RMDN1: variants seen among roughly 807,000 people sequenced by gnomAD.
RMDN1 encodes regulator of microtubule dynamics protein 1.
RMDN1 carries 48 observed loss-of-function variants against 48.9 expected under a neutral mutation model. The observed-to-expected ratio is 0.98, with a 90% confidence interval of 0.78 to 1.25. The LOEUF is 1.25. Among genes scored for constraint, RMDN1 ranks in the 50% most tolerant of loss-of-function variants. The pLI, the probability that RMDN1 is intolerant of heterozygous loss-of-function variation, is 0.00. For missense variants in RMDN1, 418 were observed against 373.4 expected (o/e 1.12, Z -0.98); for synonymous variants, 148 against 132.6 (o/e 1.12, Z -0.80).
At chr8:86,514,307 A>G in exon 1 of RMDN1, 12 of 980,970 alleles carry the variant, frequency 1.2e-5, no homozygotes, top group Non-Finnish European at 1.2e-5. Flanking sequence ...GCGCCAGCCT[A>G]CTGGCAAGGA....
At chr8:86,493,595 C>T (rs1482231232) in intron 2 of RMDN1, among the ~76,000 whole-genome samples, 3 of 152,068 alleles carry the variant, frequency 2.0e-5, no homozygotes, top group African/African-American at 7.2e-5. Flanking sequence ...AAGCCAGGTA[C>T]AGAAAGACAA....
chr8:86,513,057 T>C (rs78577023), upstream of RMDN1, among the ~76,000 whole-genome samples: 3 of 142,084 alleles, frequency 2.1e-5, no homozygotes, highest in Non-Finnish European at 4.7e-5. Context: ...CTATTGGGTG[T>C]TTTTTTTTTT....
At chr8:86,480,620 T>C (rs1179244713) in intron 5 of RMDN1, among the ~76,000 whole-genome samples, 1 of 152,116 alleles carries the variant, frequency 6.6e-6, no homozygotes, top group Non-Finnish European at 1.5e-5. Context: ...TTTTGCAAAT[T>C]AATCTTGCAA....
chr8:86,489,102 C>T (rs567810334), intron 2 of RMDN1, among the ~76,000 whole-genome samples: 1 of 152,322 alleles, frequency 6.6e-6, no homozygotes, highest in South Asian at 2.1e-4. Context: ...AACTACCAAC[C>T]ATTGTAGAAA....
chr8:86,504,054 G>C, intron 2 of RMDN1: 3 of 841,074 alleles, frequency 3.6e-6, no homozygotes, highest in Non-Finnish European at 6.3e-6. Context: ...CTCTCAACCA[G>C]CTGGGCATCA....
At chr8:86,479,140 T>G (rs1375748404) in intron 6 of RMDN1, 130 bp from the exon 7 acceptor site, 3 of 639,356 alleles carry the variant, frequency 4.7e-6, no homozygotes, top group Non-Finnish European at 8.2e-6. Context: ...TTACATGATA[T>G]CTACTAGGTA....
intron 2 of RMDN1, among the ~76,000 whole-genome samples, chr8:86,497,700 C>CAA (rs1213399491): frequency 4.8e-4 from 33 of 68,268 alleles, no homozygotes; most frequent in Admixed American, 9.7e-4. Context: ...GACACTATCT[C>CAA]AAAAAAAAAA....
At chr8:86,496,399 G>C (rs955664569) in intron 2 of RMDN1, among the ~76,000 whole-genome samples, 3 of 152,142 alleles carry the variant, frequency 2.0e-5, no homozygotes, top group African/African-American at 7.2e-5. Context: ...GTCTTCAGGA[G>C]ACTCATCTCA....
chr8:86,508,616 G>T lies in RMDN1; in HGVS notation c.5C>A (p.Ala2Glu). 1 of 1,600,328 alleles carries T rather than the reference G, an allele frequency of 6.2e-7. No individual in the cohort carries two copies. The highest frequency in any genetic ancestry group is 1.3e-5 in the African/African-American group (1 of 74,706). Residue 2 changes from alanine (A) to glutamate (E), a missense_variant, in exon 1 of 10, where the codon GCG becomes GAG. Ala to Glu is a moderately radical substitution (Grantham distance 107, BLOSUM62 -1). Coordinates refer to ENST00000406452, the MANE Select transcript of RMDN1 (RefSeq NM_016033.3). MALAARLWRLLP... is the reference protein window; with the variant it reads MELAARLWRLLP... ...AAGGCGCCACAGTCGAGCAGCCAGC[G>T]CCATGACCTGCAACTTGCGGGCTGA...
At position 86,473,008 on chromosome 8, in the gene RMDN1, C is replaced by G. The variant is rs191246122; in HGVS notation, c.*1300G>C. ...TCCAAGATATCTTATTGTGTGTATG[C>G]AGGTATTCCAAAATTTGGAAAAACA... On this transcript the variant is annotated 3_prime_UTR_variant, in exon 10 of 10. Coordinates refer to ENST00000406452, the MANE Select transcript of RMDN1 (RefSeq NM_016033.3). 114 of 463,068 alleles carry G rather than the reference C, an allele frequency of 2.5e-4. 3 individuals carry two copies. In the Admixed American group the frequency reaches 5.0e-3, roughly 20 times the overall value. 28.7% of individuals were successfully genotyped at this position (463,068 alleles called of 1,614,324 possible).
downstream of RMDN1, chr8:86,468,610 A>G: frequency 2.2e-6 from 1 of 448,286 alleles, no homozygotes; most frequent in Non-Finnish European, 4.5e-6. Flanking sequence ...ATGATTTAGC[A>G]GATTTGACTG....
In RMDN1 at chr8:86,474,330, G is replaced by C; in HGVS notation, c.923C>G (p.Thr308Arg). 1.2e-6 allele frequency: 2 copies of C among 1,613,500 alleles called. No individual in the cohort carries two copies. Among genetic ancestry groups the C allele is most frequent in the Non-Finnish European group, 8.5e-7 (1 of 1,179,624 alleles). ...TTCTCAATTCTTCTCACTGAAACTTGTAAGCAACTGAGCAGCTTCTGTCTG... is the reference window on the plus strand; with the variant it reads ...TTCTCAATTCTTCTCACTGAAACTTCTAAGCAACTGAGCAGCTTCTGTCTG... ...QIQTEAAQLL[T>R]SFSEKN The change falls in exon 10 of 10, where the codon ACA becomes AGA. Residue 308 changes from threonine (T) to arginine (R), a missense_variant. By Grantham distance (71) the Thr-to-Arg change is moderately conservative. Coordinates refer to ENST00000406452, the MANE Select transcript of RMDN1 (RefSeq NM_016033.3).
intron 6 of RMDN1, among the ~76,000 whole-genome samples, chr8:86,479,685 A>G (rs1814006583): frequency 1.3e-5 from 2 of 152,172 alleles, no homozygotes; most frequent in Non-Finnish European, 2.9e-5. Context: ...TTTCTCTTTT[A>G]AAAGAGTTTG....
At chr8:86,494,996 T>C in intron 2 of RMDN1, 2 of 386,970 alleles carry the variant, frequency 5.2e-6, no homozygotes, top group South Asian at 3.9e-5. Flanking sequence ...TAAACAAATA[T>C]GTAGTAACTT....
chr8:86,476,243 C>T (rs1052534545), intron 8 of RMDN1, among the ~76,000 whole-genome samples: 2 of 152,080 alleles, frequency 1.3e-5, no homozygotes, highest in African/African-American at 4.8e-5. Context: ...AAAGTCATCC[C>T]TAGATTCATA....
downstream of RMDN1, chr8:86,470,550 A>G (rs756282305): frequency 7.4e-6 from 4 of 540,790 alleles, no homozygotes; most frequent in Admixed American, 1.5e-4. Flanking sequence ...ACTCCTGGGC[A>G]TGTATCCCAG....
At chr8:86,487,949 G>C (rs922580191) in intron 3 of RMDN1, among the ~76,000 whole-genome samples, 1 of 151,124 alleles carries the variant, frequency 6.6e-6, no homozygotes, top group African/African-American at 2.4e-5. Flanking sequence ...AGGAGATGAG[G>C]TAGATTAGTG....
upstream of RMDN1, among the ~76,000 whole-genome samples, chr8:86,513,550 C>A (rs535037915): frequency 2.0e-4 from 31 of 152,308 alleles, no homozygotes; most frequent in African/African-American, 7.2e-4. Context: ...TAGCTGCAGG[C>A]AGCATGGAGT....
intron 2 of RMDN1, among the ~76,000 whole-genome samples, chr8:86,502,732 T>C (rs1818470950): frequency 6.6e-6 from 1 of 152,204 alleles, no homozygotes; most frequent in Non-Finnish European, 1.5e-5. Flanking sequence ...GGGATTGGTT[T>C]CATTTTGTCA....
Sources: allele counts gnomAD v4.1 joint callset (sites outside exome capture counted in the v4.1 genomes callset), GRCh38; gene constraint gnomAD v4.1.1; transcripts MANE v1.5; gene names NCBI Gene and HGNC (gene_info 2026-07-23, HGNC 2026-07-21).